The following NCOA2 variants were observed in gnomAD, a reference collection of about 807,000 sequenced individuals.
The protein encoded by NCOA2 is nuclear receptor coactivator 2.
Under a neutral mutation model 145.1 loss-of-function variants are expected in NCOA2, and 21 were observed. The ratio of observed to expected loss-of-function variants is 0.14; its 90% CI spans 0.10 to 0.21. The LOEUF (loss-of-function observed/expected upper bound fraction) is 0.21, where lower values mean the gene tolerates loss of function less well. Among genes scored for constraint, NCOA2 ranks in the 10% least tolerant of loss-of-function variants. The pLI is 1.00. For missense variants in NCOA2, 1,472 were observed against 1,837.6 expected, an observed-to-expected ratio of 0.80 and a Z score of 3.64; for synonymous variants, 619 against 637.5, an observed-to-expected ratio of 0.97 and a Z score of 0.44.
At chr8:70,258,441 G>C (rs1823838369) in intron 2 of NCOA2, among the ~76,000 whole-genome samples, 1 of 152,168 alleles carries the variant, frequency 6.6e-6, no homozygotes, top group Non-Finnish European at 1.5e-5. Flanking sequence ...TCACCTTTCT[G>C]AGGAAGTTTT....
chr8:70,411,775 G>A, the NCOA2 span, among the ~76,000 whole-genome samples: 1 of 152,304 alleles, frequency 6.6e-6, no homozygotes, highest in South Asian at 2.1e-4. Flanking sequence ...GGTCAGACAG[G>A]CAAACCTAAT....
chr8:70,325,773 G>A (rs1806502798), intron 1 of NCOA2, among the ~76,000 whole-genome samples: 1 of 152,134 alleles, frequency 6.6e-6, no homozygotes, highest in Non-Finnish European at 1.5e-5. Flanking sequence ...TCTTTATCGA[G>A]GCTAAAATGG....
chr8:70,234,801 C>A (rs1386313615), intron 2 of NCOA2, among the ~76,000 whole-genome samples: 2 of 152,186 alleles, frequency 1.3e-5, no homozygotes, highest in African/African-American at 4.8e-5. Flanking sequence ...CACACACATA[C>A]AGAATATGAC....
chr8:70,123,488 G>C (rs924045235), intron 21 of NCOA2, among the ~76,000 whole-genome samples: 2 of 152,120 alleles, frequency 1.3e-5, no homozygotes, highest in Non-Finnish European at 2.9e-5. Flanking sequence ...CTGCGCTCCA[G>C]CCTAGGTGAC....
In NCOA2 at chr8:70,111,737, A is replaced by G. The variant is rs1806554801; in HGVS notation, c.*1895T>C. Reference sequence around the variant, plus strand: ...ATATTTCCATAATGCGTACATATAGAGAGAGATATAAGTATAAATAGGGGT... The same window carrying G: ...ATATTTCCATAATGCGTACATATAGGGAGAGATATAAGTATAAATAGGGGT... On this transcript the variant is annotated 3_prime_UTR_variant, in exon 23 of 23. Transcript: ENST00000452400. The G allele has an allele frequency of 4.6e-6, 1 of 217,640 alleles. No homozygotes were observed. Among genetic ancestry groups the G allele is most frequent in the Non-Finnish European group, 9.2e-6 (1 of 108,360 alleles). 13.5% of individuals were successfully genotyped at this position (217,640 alleles called of 1,614,324 possible).
chr8:70,351,745 C>T (rs547633614), intron 1 of NCOA2, among the ~76,000 whole-genome samples: 4 of 149,798 alleles, frequency 2.7e-5, no homozygotes, highest in African/African-American at 4.9e-5. Flanking sequence ...ACCACCACCC[C>T]GGCTAATTTT....
At chr8:70,198,897 T>C (rs1490950216) in intron 4 of NCOA2, among the ~76,000 whole-genome samples, 1 of 152,076 alleles carries the variant, frequency 6.6e-6, no homozygotes, top group African/African-American at 2.4e-5. Context: ...GGAACACCCC[T>C]GTGGATGTCT....
intron 1 of NCOA2, among the ~76,000 whole-genome samples, chr8:70,307,340 A>G (rs1316189882): frequency 6.6e-6 from 1 of 152,154 alleles, no homozygotes; most frequent in Non-Finnish European, 1.5e-5. Flanking sequence ...AAGGAATTTC[A>G]TTAGAAAAGA....
chr8:70,414,995 GT>G, the NCOA2 span, among the ~76,000 whole-genome samples: 1 of 152,040 alleles, frequency 6.6e-6, no homozygotes, highest in African/African-American at 2.4e-5. Flanking sequence ...AATTTGTTCA[GT>G]TTCTACTCTA....
intron 1 of NCOA2, among the ~76,000 whole-genome samples, chr8:70,371,023 C>T (rs1400548371): frequency 6.6e-6 from 1 of 152,128 alleles, no homozygotes; most frequent in Non-Finnish European, 1.5e-5. Flanking sequence ...CACGGTGGCT[C>T]ACGCCTGTAA....
At chr8:70,353,438 T>C (rs927329457) in intron 1 of NCOA2, among the ~76,000 whole-genome samples, 1 of 148,714 alleles carries the variant, frequency 6.7e-6, no homozygotes, top group African/African-American at 2.5e-5. Flanking sequence ...ATAAGCCAAC[T>C]TTTTCTCCAA....
intron 1 of NCOA2, among the ~76,000 whole-genome samples, chr8:70,401,381 A>G (rs1381961138): frequency 6.6e-6 from 1 of 152,232 alleles, no homozygotes; most frequent in Non-Finnish European, 1.5e-5. Context: ...TTTGTGTGGG[A>G]GTAATCTGGC....
intron 1 of NCOA2, among the ~76,000 whole-genome samples, chr8:70,345,795 C>T (rs1335907775): frequency 6.6e-6 from 1 of 152,028 alleles, no homozygotes; most frequent in Non-Finnish European, 1.5e-5. Context: ...CCAAAGGATA[C>T]AGGAAAACAT....
the NCOA2 span, among the ~76,000 whole-genome samples, chr8:70,426,301 A>G: frequency 6.6e-6 from 1 of 152,262 alleles, no homozygotes; most frequent in Non-Finnish European, 1.5e-5. Context: ...CGATAAAAAC[A>G]TTCATACTAA....
intron 1 of NCOA2, among the ~76,000 whole-genome samples, chr8:70,361,562 A>T (rs932841068): frequency 1.3e-5 from 2 of 152,246 alleles, no homozygotes; most frequent in African/African-American, 4.8e-5. Context: ...AGATGTTTAC[A>T]TATTCTAACT....
chr8:70,227,034 C>A (rs1820712431), intron 2 of NCOA2, among the ~76,000 whole-genome samples: 2 of 152,280 alleles, frequency 1.3e-5, no homozygotes, highest in Middle Eastern at 3.4e-3. Context: ...GTGAAAGTAA[C>A]ACTTTTTTAA....
chr8:70,226,064 T>C (rs34246353), intron 2 of NCOA2, among the ~76,000 whole-genome samples: 15,073 of 152,024 alleles, frequency 0.099, 1,186 homozygotes, highest in East Asian at 0.41. Context: ...TCTAAATTGA[T>C]GGTGAATTTG....
chr8:70,146,079 T>C (rs1041447034), intron 12 of NCOA2, among the ~76,000 whole-genome samples: 3 of 152,186 alleles, frequency 2.0e-5, no homozygotes, highest in Non-Finnish European at 1.5e-5. Context: ...TATACATACA[T>C]GGTTTGGATA....
intron 11 of NCOA2, among the ~76,000 whole-genome samples, chr8:70,154,808 T>C (rs764486890): frequency 7.9e-5 from 12 of 152,192 alleles, no homozygotes; most frequent in African/African-American, 1.4e-4. Context: ...GTTGAGGAGA[T>C]GTTGGTCAAA....
Sources: allele counts gnomAD v4.1 joint callset (sites outside exome capture counted in the v4.1 genomes callset), GRCh38; gene constraint gnomAD v4.1.1; transcripts MANE v1.5; gene names NCBI Gene and HGNC (gene_info 2026-07-23, HGNC 2026-07-21).